The following SPG7 variants were observed in gnomAD, a reference collection of about 807,000 sequenced individuals.
The protein encoded by SPG7 is SPG7 matrix AAA peptidase subunit, paraplegin.
In SPG7, 103 loss-of-function variants were observed where a neutral mutation model predicts 81.9. That is an observed-to-expected ratio of 1.26 (90% CI 1.07 to 1.48). The LOEUF (loss-of-function observed/expected upper bound fraction) is 1.48. SPG7 is among the 40% of genes most tolerant of loss of function. SPG7 has a pLI of 0.00. For synonymous variants in SPG7, 534 were observed against 444.2 expected (o/e 1.20, Z -2.54); for missense variants, 1,241 against 1,087.3 (o/e 1.14, Z -1.99).
At chr16:89,532,377 T>C in intron 8 of SPG7, 86 bp from the exon 9 acceptor site, 1 of 1,475,050 alleles carries the variant, frequency 6.8e-7, no homozygotes. Flanking sequence ...TTGTCCTTGG[T>C]GTAGAACTTT....
intron 6 of SPG7, 167 bp from the exon 7 acceptor site, chr16:89,530,516 C>T: frequency 2.6e-6 from 2 of 783,044 alleles, no homozygotes; most frequent in Non-Finnish European, 4.6e-6. Flanking sequence ...CCCTTCTGTG[C>T]TTGAAGACTG....
chr16:89,544,079 G>C (rs1325191232), intron 9 of SPG7: 1 of 179,536 alleles, frequency 5.6e-6, no homozygotes, highest in Non-Finnish European at 1.2e-5. Context: ...GGTGTTCCCA[G>C]CAGCTTCATA....
rs763187694 is a variant in SPG7 at position 89,550,565 on chromosome 16, G to A, written c.1735G>A (p.Ala579Thr). Residue 579 changes from alanine to threonine, a missense_variant, in exon 13 of 17, where the codon GCC (alanine) becomes ACC (threonine). Physicochemically the swap from Ala to Thr is moderately conservative, Grantham distance 58. Transcript: ENST00000645818. Reference protein sequence around the residue: ...KVVAFHESGHALVGWMLEHTE... With the variant: ...KVVAFHESGHTLVGWMLEHTE... ...GGTTGCGTTTCATGAGTCGGGCCAC[G>A]CCTTGGTGGGCTGGATGCTGGAGCA... 28 of 1,613,848 alleles carry A rather than the reference G, an allele frequency of 1.7e-5. No homozygotes were observed. The highest frequency in any genetic ancestry group is 1.5e-4 in the African/African-American group (11 of 74,936).
At chr16:89,527,035 A>G (rs1567909144) in intron 5 of SPG7, 2 of 232,244 alleles carry the variant, frequency 8.6e-6, no homozygotes, top group African/African-American at 4.6e-5. Flanking sequence ...TGTGTAACCT[A>G]AGAACATTCT....
At chr16:89,530,954 G>A (rs893435650) in intron 7 of SPG7, 146 bp downstream of exon 7, 2 of 1,059,846 alleles carry the variant, frequency 1.9e-6, no homozygotes, top group Non-Finnish European at 2.9e-6. Flanking sequence ...GGGACACCAA[G>A]CAGGTGCTGG....
chr16:89,543,902 C>T (rs2058531790), intron 9 of SPG7: 1 of 152,738 alleles, frequency 6.5e-6, no homozygotes, highest in Non-Finnish European at 1.5e-5. Flanking sequence ...CTGCCTCGGC[C>T]TCCCAAAGTT....
rs559510751 is a variant in SPG7, at chr16:89,526,207, G to A, written c.619-122G>A. 8.0e-6 allele frequency: 9 copies of A among 1,122,508 alleles called. No individual in the cohort carries two copies. The African/African-American group carries it at 1.4e-4, about 17-fold the overall frequency. 69.5% of individuals were successfully genotyped at this position (1,122,508 alleles called of 1,614,324 possible). A position where few individuals can be genotyped will look rare whatever the true frequency, so the allele number is the denominator to read the frequency against. On this transcript the variant is annotated intron_variant, in intron 4 of 16. Coordinates refer to ENST00000645818, the MANE Select transcript of SPG7 (RefSeq NM_003119.4). Reference sequence around the variant, plus strand: ...AGGAATCACCTCTAGTTTCTGAATGGTGTCCTCTTCACAATGCTGAGGTTG... The same window carrying A: ...AGGAATCACCTCTAGTTTCTGAATGATGTCCTCTTCACAATGCTGAGGTTG...
intron 9 of SPG7, chr16:89,537,029 T>C: frequency 6.2e-7 from 1 of 1,608,336 alleles, no homozygotes; most frequent in Non-Finnish European, 8.5e-7. Flanking sequence ...CCGGATTTGC[T>C]CAGGCCTGGG....
intron 12 of SPG7, chr16:89,548,967 A>G: frequency 2.2e-6 from 1 of 454,858 alleles, no homozygotes; most frequent in South Asian, 1.6e-5. Flanking sequence ...TAGCACGAAC[A>G]CGCCTCTTGC....
Position 89,540,836 on chromosome 16 carries a change from C to G in SPG7, c.1325-3812C>G, listed in dbSNP as rs149638134. ...AGGAAAGCAAAGACTTAGGCTCACA[C>G]GAAATGCCTGGGCGCCGACGCTCAT... On this transcript the variant is annotated intron_variant, in intron 9 of 16. Coordinates refer to ENST00000645818, the MANE Select transcript of SPG7 (RefSeq NM_003119.4). The G allele has an allele frequency of 6.4e-6, 6 of 930,538 alleles. No homozygotes were observed. In the South Asian group the frequency reaches 2.0e-4, roughly 31 times the overall value. The allele number at this position is 930,538 out of a possible 1,614,324, so 57.6% of individuals were successfully genotyped here.
In SPG7 at chr16:89,531,983, C is replaced by T. The variant is rs754903980; in HGVS notation, c.1067C>T (p.Thr356Met). ...CTCGGCCCCCCCGGCTGTGGGAAGA[C>T]GCTGCTGGCCAAGGCGGTGGCCACG... The part of the protein sequence containing the change: ...LLLGPPGCGK[T>M]LLAKAVATEA... The change falls in exon 8 of 17, where the codon ACG becomes ATG. Residue 356 changes from threonine (T) to methionine (M), a missense_variant. Physicochemically the swap from Thr to Met is moderately conservative, Grantham distance 81. Transcript: ENST00000645818. 5.0e-6 allele frequency: 8 copies of T among 1,613,890 alleles called. No individual in the cohort carries two copies. The highest frequency in any genetic ancestry group is 2.7e-5 in the African/African-American group (2 of 75,058).
intron 13 of SPG7, 77 bp from the exon 14 acceptor site, chr16:89,552,902 C>A (rs1389676794): frequency 1.4e-6 from 2 of 1,410,666 alleles, no homozygotes; most frequent in Non-Finnish European, 2.0e-6. Context: ...ATGACGGAGA[C>A]CTCTTAGTCC....
intron 3 of SPG7, 133 bp from the exon 4 acceptor site, chr16:89,523,873 A>C: frequency 8.9e-7 from 1 of 1,121,798 alleles, no homozygotes; most frequent in South Asian, 1.3e-5. Flanking sequence ...GAAGAATTGG[A>C]GGAAGTGCAG....
intron 9 of SPG7, chr16:89,543,191 CCCT>C (rs1398991453): frequency 6.6e-6 from 1 of 151,978 alleles, no homozygotes; most frequent in Non-Finnish European, 1.5e-5. Flanking sequence ...TTGTGATCCG[CCCT>C]CCTCGGCCTC....
chr16:89,531,598 T>C (rs1296694038), intron 7 of SPG7: 1 of 408,706 alleles, frequency 2.4e-6, no homozygotes, highest in Admixed American at 3.6e-5. Context: ...GGTCTCAAAC[T>C]CCTGATCTCA....
chr16:89,521,036 G>T (rs1424571597), intron 3 of SPG7: 1 of 152,264 alleles, frequency 6.6e-6, no homozygotes, highest in Admixed American at 6.5e-5. Context: ...GGCTCTCTAG[G>T]TCATCCACCT....
At position 89,556,870 on chromosome 16, in the gene SPG7, A is replaced by T; in HGVS notation, c.2182-17A>T. 1 of 1,599,400 alleles carries T rather than the reference A, an allele frequency of 6.3e-7. No individual in the cohort carries two copies. The highest frequency in any genetic ancestry group is 8.6e-7 in the Non-Finnish European group (1 of 1,166,976). ...CTGCCCTGGGGACTCACACACTGCT[A>T]TGCCTGTTCTTTCTAGCTGGCAAAC... On this transcript the variant is annotated splice_polypyrimidine_tract_variant and intron_variant, in intron 16 of 16. Transcript: ENST00000645818.
At chr16:89,546,587 G>A in intron 10 of SPG7, 71 bp from the exon 11 acceptor site, 2 of 989,300 alleles carry the variant, frequency 2.0e-6, no homozygotes, top group Non-Finnish European at 1.6e-6. Flanking sequence ...CCCCCCCACA[G>A]ACAAACATGC....
chr16:89,540,385 G>A (rs1450018798), intron 9 of SPG7: 2 of 152,040 alleles, frequency 1.3e-5, no homozygotes, highest in African/African-American at 4.8e-5. Flanking sequence ...CCGGGAGTTT[G>A]AAACCAGCCT....
Sources: gnomAD v4.1 joint callset for allele counts on GRCh38, gnomAD v4.1.1 for gene constraint, MANE v1.5 for transcripts, NCBI Gene and HGNC (gene_info 2026-07-23, HGNC 2026-07-21) for gene names.